CFAP46: variants seen among roughly 807,000 people sequenced by gnomAD.
CFAP46 encodes the protein cilia and flagella associated protein 46.
Under a neutral mutation model 325.7 loss-of-function variants are expected in CFAP46, and 245 were observed. The observed-to-expected ratio is 0.75, with a 90% CI of 0.68 to 0.84. CFAP46 has a LOEUF of 0.84. Among genes scored for constraint, CFAP46 ranks in the 40% least tolerant of loss-of-function variants. The pLI, the probability that CFAP46 is intolerant of heterozygous loss-of-function variation, is 0.00. For synonymous variants in CFAP46, 1,523 were observed against 1,495.9 expected (o/e 1.02, Z -0.42); for missense variants, 3,346 against 3,543.0 (o/e 0.94, Z 1.41).
chr10:132,822,933 GTGTGCAC>G (rs1847908865), intron 50 of CFAP46, among the ~76,000 whole-genome samples: 1 of 126,250 alleles, frequency 7.9e-6, no homozygotes, highest in South Asian at 2.9e-4. Context: ...GTGTGCTGAT[GTGTGCAC>G]TGTGTGCTGT....
chr10:132,911,300 C>T (rs72861466), intron 19 of CFAP46, among the ~76,000 whole-genome samples: 4,019 of 152,366 alleles, frequency 0.026, 79 homozygotes, highest in Non-Finnish European at 0.04. Context: ...CACTAGGGCC[C>T]TCTCTGGCTC....
At position 132,922,608 on chromosome 10, in the gene CFAP46, C is replaced by T. The variant is rs558579035; in HGVS notation, c.1357G>A (p.Ala453Thr). Residue 453 changes from alanine to threonine, a missense_variant, in exon 12 of 58, where the codon GCG becomes ACG. By Grantham distance (58) the Ala-to-Thr change is moderately conservative. Transcript: ENST00000368586. ...TAGAGGCCCAGGCTGTCCAGGCGCG[C>T]GGCTTTCCGGAGGTGCTCCGTGGCG... Reference protein sequence around the residue: ...EPATEHLRKAARLDSLGLYRD... With the variant: ...EPATEHLRKATRLDSLGLYRD... 9.0e-6 allele frequency: 14 copies of T among 1,549,394 alleles called. No individual in the cohort carries two copies. Among genetic ancestry groups the T allele is most frequent in the Admixed American group, 5.9e-5 (3 of 50,982 alleles).
At chr10:132,925,979 A>C (rs557111521) in intron 10 of CFAP46, among the ~76,000 whole-genome samples, 1 of 152,302 alleles carries the variant, frequency 6.6e-6, no homozygotes, top group Admixed American at 6.5e-5. Flanking sequence ...GCTGCAGGCC[A>C]CCATCCTGTG....
chr10:132,837,832 G>T (rs1848287930), intron 44 of CFAP46, among the ~76,000 whole-genome samples: 1 of 134,962 alleles, frequency 7.4e-6, no homozygotes, highest in Non-Finnish European at 1.6e-5. Context: ...CACACACACA[G>T]ACATGCACGG....
intron 19 of CFAP46, among the ~76,000 whole-genome samples, chr10:132,910,593 C>T (rs948823829): frequency 6.6e-6 from 1 of 152,218 alleles, no homozygotes; most frequent in Non-Finnish European, 1.5e-5. Context: ...AGAAATGAAA[C>T]CCAGTCTATG....
chr10:132,886,815 G>A lies in CFAP46; in HGVS notation c.3305-856C>T, dbSNP rs569591462. The stretch of plus-strand genomic sequence containing the variant: ...ACCTCGGGAAGGGGTGCTGAGTGGC[G>A]GGTCTGTGCCTTGTTGCTGCCCCCG... On this transcript the variant is annotated intron_variant, in intron 25 of 57. Coordinates refer to ENST00000368586, the MANE Select transcript of CFAP46 (RefSeq NM_001200049.3). The surrounding 1 kb of genome is among the most constrained non-coding windows in gnomAD (Gnocchi z 5.8). 2.0e-5 allele frequency among the ~76,000 whole-genome samples: 3 copies of A among 152,148 alleles called. 1 individual carries two copies. The highest frequency in any genetic ancestry group is 4.1e-4 in the South Asian group (2 of 4,824).
intron 48 of CFAP46, 120 bp downstream of exon 48, chr10:132,834,534 G>A (rs539273952): frequency 1.1e-5 from 16 of 1,400,826 alleles, no homozygotes; most frequent in South Asian, 8.4e-5. Flanking sequence ...AGGCGGCGCC[G>A]AGTCCTGAAC....
At position 132,860,901 on chromosome 10, in the gene CFAP46, C is replaced by T. The variant is rs1212568321; in HGVS notation, c.4972G>A (p.Ala1658Thr). Residue 1658 changes from alanine (A) to threonine (T), a missense_variant, in exon 36 of 58, where the codon GCC becomes ACC. Coordinates refer to ENST00000368586, the MANE Select transcript of CFAP46 (RefSeq NM_001200049.3). ...LANKEKNYGQ[A>T]KKMIAQAQHL... ...TGGGCCTGTGCGATCATTTTCTTGG[C>T]TTGTCCATAGTTTTTCTCCTTGTTG... 8 of 1,550,716 alleles carry T rather than the reference C, an allele frequency of 5.2e-6. No individual in the cohort carries two copies. The highest frequency in any genetic ancestry group is 1.4e-5 in the African/African-American group (1 of 73,068).
intron 31 of CFAP46, among the ~76,000 whole-genome samples, chr10:132,875,815 A>C (rs976315993): frequency 2.0e-5 from 3 of 151,448 alleles, no homozygotes; most frequent in Admixed American, 6.6e-5. Context: ...AAATGAAAAC[A>C]TCAAAAAAAA....
At chr10:132,887,578 C>T (rs201648452) in intron 25 of CFAP46, among the ~76,000 whole-genome samples, 11 of 37,294 alleles carry the variant, frequency 2.9e-4, no homozygotes, top group Non-Finnish European at 3.8e-4. Flanking sequence ...CTCTCCTCTC[C>T]CCTCTTCTCT....
rs1016120236 is a variant in CFAP46, at chr10:132,919,019, C to A, written c.1858+296G>T. ...CACTGCCCTCTGCCTGCAGGTGCCC[C>A]GCATGGGCATCTGCTCACTGGCTGT... On this transcript the variant is annotated intron_variant, in intron 15 of 57. Transcript: ENST00000368586. The surrounding 1 kb of genome is among the most constrained non-coding windows in gnomAD (Gnocchi z 9.7). Among the ~76,000 whole-genome samples the A allele has an allele frequency of 6.6e-6, 1 of 152,190 alleles. No individual in the cohort carries two copies. The highest frequency in any genetic ancestry group is 2.4e-5 in the African/African-American group (1 of 41,462).
chr10:132,831,220 C>CTGTGTGTGTGTGTGTGTGTGTGTGTGTG (rs56965336), intron 50 of CFAP46, among the ~76,000 whole-genome samples: 4 of 148,200 alleles, frequency 2.7e-5, no homozygotes, highest in African/African-American at 7.6e-5. Flanking sequence ...GTCAAATGTT[C>CTGTGTGTGTGTGTGTGTGTGTGTGTGTG]TGTGTGTGTG....
At chr10:132,837,787 A>G (rs1411768546) in intron 44 of CFAP46, among the ~76,000 whole-genome samples, 1 of 149,870 alleles carries the variant, frequency 6.7e-6, no homozygotes, top group Non-Finnish European at 1.5e-5. Flanking sequence ...ATGCACACAG[A>G]CATGCATGGA....
intron 50 of CFAP46, among the ~76,000 whole-genome samples, chr10:132,831,748 T>C (rs1434299803): frequency 6.6e-6 from 1 of 152,230 alleles, no homozygotes; most frequent in Non-Finnish European, 1.5e-5. Context: ...TATGGTTGGG[T>C]TGAAATATAC....
intron 35 of CFAP46, among the ~76,000 whole-genome samples, chr10:132,862,820 C>T (rs1170326170): frequency 2.1e-5 from 2 of 93,612 alleles, no homozygotes; most frequent in Non-Finnish European, 2.1e-5. Flanking sequence ...ACGGGGCGGC[C>T]GGGCTGCACT....
Position 132,835,372 on chromosome 10 carries a change from C to G in CFAP46, c.6676G>C (p.Ala2226Pro). The G allele has an allele frequency of 1.2e-6, 2 of 1,613,664 alleles. No homozygotes were observed. Among genetic ancestry groups the G allele is most frequent in the Non-Finnish European group, 1.7e-6 (2 of 1,179,960 alleles). ...TGGGTCTGCTTCCGGAACTGCTGGG[C>G]ACAGGCCAGCAGGTGGGAGAAGGCA... ...PTAFSHLLACAQQFRKQTQAQ... is the reference protein window; with the variant it reads ...PTAFSHLLACPQQFRKQTQAQ... The change falls in exon 47 of 58, where the codon GCC (alanine) becomes CCC (proline). Residue 2226 changes from alanine to proline, a missense_variant. Transcript: ENST00000368586.
chr10:132,902,949 T>A, intron 22 of CFAP46, among the ~76,000 whole-genome samples: 1 of 151,074 alleles, frequency 6.6e-6, no homozygotes, highest in Non-Finnish European at 1.5e-5. Flanking sequence ...CAGCTCCAAC[T>A]TCTCTCACCC....
At position 132,860,453 on chromosome 10, in the gene CFAP46, G is replaced by A; in HGVS notation, c.5162C>T (p.Pro1721Leu). The change falls in exon 37 of 58, where the codon CCT (proline) becomes CTT (leucine). Residue 1721 changes from proline (P) to leucine (L), a missense_variant. Physicochemically the swap from Pro to Leu is moderately conservative, Grantham distance 98 (BLOSUM62 -3). Coordinates refer to ENST00000368586, the MANE Select transcript of CFAP46 (RefSeq NM_001200049.3). ...ILKKERPNRL[P>L]LLEFMITDLE... ...ATCTGTGATCATGAATTCCAGTAAA[G>A]GCAATCGGTTTGGTCTTTCTTTCTT... 1.3e-6 allele frequency: 2 copies of A among 1,551,252 alleles called. No homozygotes were observed. Among genetic ancestry groups the A allele is most frequent in the Non-Finnish European group, 1.7e-6 (2 of 1,147,074 alleles).
intron 11 of CFAP46, 122 bp downstream of exon 11, chr10:132,924,574 C>T (rs1017861088): frequency 5.8e-5 from 57 of 984,618 alleles, no homozygotes; most frequent in Non-Finnish European, 7.2e-5. Context: ...TTATTGAGTA[C>T]AGGGGGAGTC....
Sources: allele counts gnomAD v4.1 joint callset (sites outside exome capture counted in the v4.1 genomes callset), GRCh38; gene constraint gnomAD v4.1.1; non-coding constraint Gnocchi (gnomAD v3.1); transcripts MANE v1.5; gene names NCBI Gene and HGNC (gene_info 2026-07-23, HGNC 2026-07-21).